Variants in SEZ6L2 observed in about 807,000 individuals in gnomAD.
The protein encoded by SEZ6L2 is seizure 6-like protein 2.
SEZ6L2 carries 44 observed loss-of-function variants against 97.0 expected under a neutral mutation model. That is an observed-to-expected ratio of 0.45 (90% CI 0.36 to 0.58). The LOEUF (loss-of-function observed/expected upper bound fraction) is 0.58. Ranked by LOEUF, SEZ6L2 falls within the 20% of genes least tolerant of loss-of-function variation. SEZ6L2 has a pLI of 0.00. For missense variants in SEZ6L2, 1,086 were observed against 1,233.3 expected (o/e 0.88, Z 1.79); for synonymous variants, 543 against 546.1 (o/e 0.99, Z 0.08).
intron 8 of SEZ6L2, among the ~76,000 whole-genome samples, chr16:29,883,958 C>T (rs2068079256): frequency 3.3e-5 from 5 of 151,576 alleles, no homozygotes; most frequent in Admixed American, 3.3e-4. Flanking sequence ...TAATAAAATA[C>T]CCTCTATCCT....
chr16:29,888,427 AC>A, intron 6 of SEZ6L2, 112 bp downstream of exon 6: 1 of 1,120,176 alleles, frequency 8.9e-7, no homozygotes, highest in Non-Finnish European at 1.3e-6. Context: ...CAGGGTAAAC[AC>A]CCCTTCAGAA....
intron 12 of SEZ6L2, among the ~76,000 whole-genome samples, chr16:29,875,770 C>T (rs2067891493): frequency 6.7e-6 from 1 of 148,436 alleles, no homozygotes. Context: ...TCAAGCGATT[C>T]TCCTTCCTCA....
At chr16:29,879,843 C>T in intron 9 of SEZ6L2, 21 bp downstream of exon 9, 1 of 1,570,340 alleles carries the variant, frequency 6.4e-7, no homozygotes, top group African/African-American at 1.4e-5. Flanking sequence ...GAAGGACATG[C>T]CTGCGACAAG....
At chr16:29,893,329 A>T (rs2150812065) in intron 5 of SEZ6L2, among the ~76,000 whole-genome samples, 1 of 151,674 alleles carries the variant, frequency 6.6e-6, no homozygotes, top group East Asian at 1.9e-4. Flanking sequence ...CATCTCAAAT[A>T]AATAAATAAA....
Position 29,871,612 on chromosome 16 carries a change from A to G in SEZ6L2, c.*87T>C, listed in dbSNP as rs1208120555. 2.2e-6 allele frequency: 3 copies of G among 1,363,664 alleles called. No homozygotes were observed. In the Admixed American group the frequency reaches 5.8e-5, roughly 27 times the overall value. The allele number at this position is 1,363,664 out of a possible 1,614,324, so 84.5% of individuals were successfully genotyped here. The stretch of plus-strand genomic sequence containing the variant: ...TACACAGCCAGGGAGGAGGGCAGCC[A>G]GGAGGCAGAGACCGGGTCCCGTATT... On this transcript the variant is annotated 3_prime_UTR_variant, in exon 18 of 18. Coordinates refer to ENST00000617533, the MANE Select transcript of SEZ6L2 (RefSeq NM_001243332.2).
intron 6 of SEZ6L2, among the ~76,000 whole-genome samples, chr16:29,888,203 T>TAGAGAG (rs2068189138): frequency 2.0e-5 from 3 of 152,090 alleles, no homozygotes; most frequent in Admixed American, 2.0e-4. Context: ...TAAGAGGCTC[T>TAGAGAG]CTAGGATAGA....
At position 29,872,731 on chromosome 16, in the gene SEZ6L2, T is replaced by A. The variant is rs780237386; in HGVS notation, c.2501A>T (p.Glu834Val). Reference sequence around the variant, plus strand: ...TTCCAGTTTTCGGTTGTCCAGGAGCTCCTCATAGGCAACTGCAGGGAGAGG... The same window carrying A: ...TTCCAGTTTTCGGTTGTCCAGGAGCACCTCATAGGCAACTGCAGGGAGAGG... ...QPPLCKVAYE[E>V]LLDNRKLEVT... is the part of the protein sequence containing the mutation. Residue 834 changes from glutamate to valine, a missense_variant, in exon 15 of 18, where the codon GAG becomes GTG. Around this residue, in one of 2 missense-constraint regions of SEZ6L2, gnomAD observed 310 missense variants for 438.6 expected, o/e 0.71. Transcript: ENST00000617533. 5 of 1,610,758 alleles carry A rather than the reference T, an allele frequency of 3.1e-6. No homozygotes were observed. The highest frequency in any genetic ancestry group is 4.2e-6 in the Non-Finnish European group (5 of 1,178,766).
chr16:29,874,545 T>G (rs12923666), intron 12 of SEZ6L2, among the ~76,000 whole-genome samples: 1 of 129,420 alleles, frequency 7.7e-6, no homozygotes, highest in Admixed American at 8.0e-5. Flanking sequence ...TTTGTGTGTG[T>G]GCTTGTTTTT....
chr16:29,876,763 G>T lies in SEZ6L2; in HGVS notation c.2097C>A (p.Cys699Ter). 1 of 1,547,526 alleles carries T rather than the reference G, an allele frequency of 6.5e-7. No individual in the cohort carries two copies. The change falls in exon 12 of 18, where the codon TGC becomes TGA. Residue 699 changes from cysteine (C) to a stop codon, truncating the protein, a stop_gained. Coordinates refer to ENST00000617533, the MANE Select transcript of SEZ6L2 (RefSeq NM_001243332.2). LOFTEE classifies it high-confidence loss of function. This position sits in a 1 kb window ranked among gnomAD's most constrained non-coding sequence, Gnocchi z 6.5. Reference protein sequence around the residue: ...DLSWSAAPPACQKIMTCADPG... With the variant: ...DLSWSAAPPA ...CGGGCGGGGCCGGCTCACTCTTTTGGCAGGCGGGCGGCGCGGCGCTCCAAG... is the reference window on the plus strand; with the variant it reads ...CGGGCGGGGCCGGCTCACTCTTTTGTCAGGCGGGCGGCGCGGCGCTCCAAG...
chr16:29,899,363 G>C lies in SEZ6L2; in HGVS notation c.-344C>G. ...CCTGCTCAGGCGCCTGGGTCCACTG[G>C]GCTGTCTGGACCCCAAGCTAGGGGA... On this transcript the variant is annotated 5_prime_UTR_variant, in exon 1 of 18. Coordinates refer to ENST00000617533, the MANE Select transcript of SEZ6L2 (RefSeq NM_001243332.2). 3.1e-6 allele frequency: 1 copy of C among 321,170 alleles called. No individual in the cohort carries two copies. The highest frequency in any genetic ancestry group is 5.8e-6 in the Non-Finnish European group (1 of 173,078). 19.9% of individuals were successfully genotyped at this position (321,170 alleles called of 1,614,324 possible).
chr16:29,871,658 G>C lies in SEZ6L2; in HGVS notation c.*41C>G. The C allele has an allele frequency of 1.9e-6, 3 of 1,596,086 alleles. No homozygotes were observed. Among genetic ancestry groups the C allele is most frequent in the Non-Finnish European group, 2.6e-6 (3 of 1,170,168 alleles). ...GTATTTCCCTCTGCCCGAATGAGGAGGGGAGGGGCGTCCTGGGTCCTGCAG... is the reference window on the plus strand; with the variant it reads ...GTATTTCCCTCTGCCCGAATGAGGACGGGAGGGGCGTCCTGGGTCCTGCAG... On this transcript the variant is annotated 3_prime_UTR_variant, in exon 18 of 18. Coordinates refer to ENST00000617533, the MANE Select transcript of SEZ6L2 (RefSeq NM_001243332.2).
In SEZ6L2 at chr16:29,873,599, G is replaced by A. The variant is rs2150778039; in HGVS notation, c.2235C>T (p.Leu745=). The change falls in exon 13 of 18, where the codon CTC becomes CTT. Residue 745 remains leucine (L), a synonymous_variant. Transcript: ENST00000617533. This position sits in a 1 kb window ranked among gnomAD's most constrained non-coding sequence, Gnocchi z 4.3. The part of the protein sequence containing the change: ...PGYSLEGAAM[L]TCYSRDTGTP... ...TGCCTGTGTCCCGGCTGTAGCAGGT[G>A]AGCATGGCTGCCCCCTCGAGGCTGT... 6.2e-7 allele frequency: 1 copy of A among 1,614,164 alleles called. No individual in the cohort carries two copies. The highest frequency in any genetic ancestry group is 8.5e-7 in the Non-Finnish European group (1 of 1,180,016).
Position 29,888,724 on chromosome 16 carries a change from G to C in SEZ6L2, c.855C>G (p.Ala285=). 1 of 1,610,682 alleles carries C rather than the reference G, an allele frequency of 6.2e-7. No homozygotes were observed. The highest frequency in any genetic ancestry group is 2.2e-5 in the East Asian group (1 of 44,834). Residue 285 remains alanine (A), a splice_region_variant and synonymous_variant, in exon 6 of 18, where the codon GCC becomes GCG. Transcript: ENST00000617533. ...RGGGFRIHYQ[A]YLLSCGFPPR... is the part of the protein sequence containing the mutation. ...GAGGGAAGCCACAGCTCAGGAGGTA[G>C]GCTGCACCAGACAGACAGCGGGTAG...
intron 4 of SEZ6L2, 48 bp downstream of exon 4, chr16:29,895,673 G>C (rs2068369787): frequency 1.3e-6 from 2 of 1,582,788 alleles, no homozygotes; most frequent in South Asian, 2.3e-5. Context: ...CCACAGCCCA[G>C]AGGAAAAGGC....
At chr16:29,886,398 A>G (rs1184583333) in intron 7 of SEZ6L2, among the ~76,000 whole-genome samples, 3 of 151,820 alleles carry the variant, frequency 2.0e-5, no homozygotes, top group Non-Finnish European at 4.4e-5. Flanking sequence ...AAATAAGGCC[A>G]GGTGCAGTGG....
At chr16:29,898,899 G>C in intron 1 of SEZ6L2, 42 bp downstream of exon 1, 1 of 1,515,422 alleles carries the variant, frequency 6.6e-7, no homozygotes. Context: ...GACCCCGCTG[G>C]ACGCCTTCCT....
In SEZ6L2 at chr16:29,880,001, G is replaced by C; in HGVS notation, c.1436C>G (p.Pro479Arg). The C allele has an allele frequency of 6.2e-7, 1 of 1,614,222 alleles. No individual in the cohort carries two copies. Among genetic ancestry groups the C allele is most frequent in the Non-Finnish European group, 8.5e-7 (1 of 1,180,044 alleles). The change falls in exon 9 of 18, where the codon CCT becomes CGT. Residue 479 changes from proline to arginine, a missense_variant. Physicochemically the swap from Pro to Arg is moderately radical, Grantham distance 103. This residue lies in a region of SEZ6L2 where 776 missense variants were observed against 794.7 expected (regional missense o/e 0.98). Coordinates refer to ENST00000617533, the MANE Select transcript of SEZ6L2 (RefSeq NM_001243332.2). ...LAHGNVTTTD[P>R]EYRPGALATF... Reference sequence around the variant, plus strand: ...TGCCAGTGCCCCTGGGCGATACTCAGGGTCCGTGGTAGTGACATTTCCATG... The same window carrying C: ...TGCCAGTGCCCCTGGGCGATACTCACGGTCCGTGGTAGTGACATTTCCATG...
Position 29,877,478 on chromosome 16 carries a change from TGA to T in SEZ6L2, c.1713-13_1713-12del. The T allele has an allele frequency of 2.5e-6, 4 of 1,571,160 alleles. No homozygotes were observed. Among genetic ancestry groups the T allele is most frequent in the Non-Finnish European group, 3.5e-6 (4 of 1,157,446 alleles). On this transcript the variant is annotated splice_polypyrimidine_tract_variant and intron_variant, in intron 10 of 17. Coordinates refer to ENST00000617533, the MANE Select transcript of SEZ6L2 (RefSeq NM_001243332.2). ...TCCCGCACATTCAATCTGCAGGGGG[TGA>T]GACCAGGCAATGGGGCGGGGCTGCG...
intron 11 of SEZ6L2, 52 bp from the exon 12 acceptor site, chr16:29,877,002 C>T (rs1356734643): frequency 6.5e-7 from 1 of 1,534,982 alleles, no homozygotes; most frequent in Non-Finnish European, 8.9e-7. Context: ...TGCGGGCTCC[C>T]TTCCAGCCTC....
Sources: gnomAD v4.1 joint callset for allele counts (sites outside exome capture counted in the v4.1 genomes callset) on GRCh38, gnomAD v4.1.1 for gene constraint, gnomAD v4.1.1 regional missense constraint, Gnocchi (gnomAD v3.1) non-coding constraint, MANE v1.5 for transcripts, NCBI Gene and HGNC (gene_info 2026-07-23, HGNC 2026-07-21) for gene names.